NIN: variants seen among roughly 807,000 people sequenced by gnomAD.
NIN encodes the protein glycogen synthase kinase 3 beta-interacting protein.
A neutral mutation model predicts 257.6 loss-of-function variants in NIN; 137 were observed. That is an observed-to-expected ratio of 0.53 (90% CI 0.46 to 0.61). The LOEUF is 0.61. Among genes scored for constraint, NIN ranks in the 20% least tolerant of loss-of-function variants. NIN has a pLI of 0.00. For missense variants in NIN, 2,439 were observed against 2,501.2 expected (o/e 0.98, Z 0.53); for synonymous variants, 918 against 919.8 (o/e 1.00, Z 0.04).
At chr14:50,754,903 C>T (rs367660504) in intron 18 of NIN, 36 bp from the exon 19 acceptor site, 11 of 1,446,512 alleles carry the variant, frequency 7.6e-6, no homozygotes, top group Admixed American at 2.4e-5. Context: ...TGTTACAAGG[C>T]AGTCATCTGG....
At chr14:50,783,668 G>A (rs2043226695) in intron 5 of NIN, among the ~76,000 whole-genome samples, 1 of 152,098 alleles carries the variant, frequency 6.6e-6, no homozygotes, top group Non-Finnish European at 1.5e-5. Flanking sequence ...GGTGGGGGAA[G>A]ATTCAATTCA....
intron 12 of NIN, 50 bp downstream of exon 12, chr14:50,770,338 C>A: frequency 1.3e-6 from 2 of 1,561,084 alleles, no homozygotes; most frequent in Non-Finnish European, 1.8e-6. Flanking sequence ...TAGTTTTCCA[C>A]GTGGTGTTCC....
intron 5 of NIN, among the ~76,000 whole-genome samples, chr14:50,787,664 G>A (rs908969189): frequency 6.6e-6 from 1 of 152,164 alleles, no homozygotes; most frequent in Non-Finnish European, 1.5e-5. Flanking sequence ...CAAGATGAGA[G>A]GTCAGACTCC....
At chr14:50,828,504 G>T (rs2045563703) in intron 2 of NIN, among the ~76,000 whole-genome samples, 1 of 152,178 alleles carries the variant, frequency 6.6e-6, no homozygotes. Flanking sequence ...ACAGATGCAA[G>T]TTCAATAGCT....
intron 5 of NIN, among the ~76,000 whole-genome samples, chr14:50,790,650 T>C (rs2043551423): frequency 6.6e-6 from 1 of 152,142 alleles, no homozygotes; most frequent in African/African-American, 2.4e-5. Flanking sequence ...TGGAGGGTGG[T>C]GAATGCTACA....
intron 3 of NIN, among the ~76,000 whole-genome samples, chr14:50,820,480 T>C (rs2045155236): frequency 6.6e-6 from 1 of 152,202 alleles, no homozygotes; most frequent in Admixed American, 6.5e-5. Context: ...ATCAGCCCAT[T>C]GATACTATCC....
intron 5 of NIN, among the ~76,000 whole-genome samples, chr14:50,783,301 C>G (rs1046157863): frequency 6.6e-6 from 1 of 151,986 alleles, no homozygotes; most frequent in African/African-American, 2.4e-5. Flanking sequence ...AGTGATCCAC[C>G]CACCTCGGCC....
intron 4 of NIN, chr14:50,794,623 G>A (rs890698425): frequency 5.5e-6 from 1 of 182,128 alleles, no homozygotes; most frequent in Non-Finnish European, 1.0e-5. Flanking sequence ...TGACTATAGG[G>A]GTTTGGAAAA....
chr14:50,726,759 A>C (rs1465543121), intron 29 of NIN, among the ~76,000 whole-genome samples: 1 of 152,208 alleles, frequency 6.6e-6, no homozygotes, highest in Non-Finnish European at 1.5e-5. Context: ...ACCTAGAGAG[A>C]TTAGAATGCA....
chr14:50,799,532 G>A (rs929865026), intron 4 of NIN, among the ~76,000 whole-genome samples: 4 of 152,208 alleles, frequency 2.6e-5, no homozygotes, highest in African/African-American at 9.7e-5. Context: ...CTCAGAAACT[G>A]GAGCTGCTCT....
At chr14:50,762,648 G>A (rs1349485082) in intron 15 of NIN, among the ~76,000 whole-genome samples, 2 of 152,166 alleles carry the variant, frequency 1.3e-5, no homozygotes, top group Non-Finnish European at 2.9e-5. Flanking sequence ...CCACGACGAT[G>A]ACTGAGAATG....
rs564452705 is a variant in NIN, at chr14:50,739,208, A to G, written c.5628+100T>C. The stretch of plus-strand genomic sequence containing the variant: ...AAGTCTGCTATAGCAGGATACTCAA[A>G]TCCATACCTTAGAACCATTCCAATC... On this transcript the variant is annotated intron_variant, in intron 26 of 30. Transcript: ENST00000530997. 1.1e-4 allele frequency: 124 copies of G among 1,112,874 alleles called. 1 individual carries two copies. In the African/African-American group the frequency reaches 1.9e-3, roughly 17 times the overall value. The allele number at this position is 1,112,874 out of a possible 1,614,324, so 68.9% of individuals were successfully genotyped here.
At position 50,771,507 on chromosome 14, in the gene NIN, A is replaced by T. The variant is rs780403932; in HGVS notation, c.982-39T>A. On this transcript the variant is annotated intron_variant, in intron 9 of 30. Transcript: ENST00000530997. ...CAAGGCGTAAATTCAAAAACAAATC[A>T]CTCATTCCATCCTCTGAAAGCAGAA... is the stretch of plus-strand genomic sequence containing the variant. 6.8e-6 allele frequency: 11 copies of T among 1,607,122 alleles called. No individual in the cohort carries two copies. The Admixed American group carries it at 1.9e-4, about 27-fold the overall frequency.
intron 9 of NIN, among the ~76,000 whole-genome samples, chr14:50,771,796 G>A (rs1263643079): frequency 6.6e-6 from 1 of 152,068 alleles, no homozygotes; most frequent in Non-Finnish European, 1.5e-5. Context: ...GACCATCCTG[G>A]CCAACACGGT....
intron 15 of NIN, among the ~76,000 whole-genome samples, chr14:50,762,454 T>C (rs2042310413): frequency 2.0e-5 from 3 of 152,290 alleles, no homozygotes; most frequent in South Asian, 4.2e-4. Context: ...AGAGTGTGGG[T>C]AGATCCCCAT....
intron 5 of NIN, among the ~76,000 whole-genome samples, chr14:50,790,123 C>T (rs1285945647): frequency 2.0e-5 from 3 of 152,112 alleles, no homozygotes; most frequent in Non-Finnish European, 4.4e-5. Flanking sequence ...GGCACGATCT[C>T]GGCTCACTGC....
In NIN at chr14:50,744,324, G is replaced by A; in HGVS notation, c.5106C>T (p.Ile1702=). 1 of 1,614,068 alleles carries A rather than the reference G, an allele frequency of 6.2e-7. No homozygotes were observed. The highest frequency in any genetic ancestry group is 8.5e-7 in the Non-Finnish European group (1 of 1,179,974). Residue 1702 remains isoleucine (I), a synonymous_variant, in exon 23 of 31, where the codon ATC becomes ATT. Transcript: ENST00000530997. ...TTTCGTTGTAGCTTAGAACACTAGA[G>A]ATTTTTTGCTGGAAGTCAGAGAGAT... ...CPDLSDFQQK[I]SSVLSYNEKL...
Position 50,729,859 on chromosome 14 carries a change from C to G in NIN, c.5878-136G>C, listed in dbSNP as rs1167851223. ...GACCCACTGAAACTTGGAAACAGGA[C>G]AGCATATGGGCCCGAGGAATACAGA... On this transcript the variant is annotated intron_variant, in intron 28 of 30. Transcript: ENST00000530997. 6.6e-6 allele frequency: 4 copies of G among 607,606 alleles called. No homozygotes were observed. The South Asian group carries it at 1.0e-4, about 16-fold the overall frequency. The allele number at this position is 607,606 out of a possible 1,614,324, so 37.6% of individuals were successfully genotyped here. A position where few individuals can be genotyped will look rare whatever the true frequency, so the allele number is the denominator to read the frequency against.
At chr14:50,782,109 C>A (rs61985517) in intron 5 of NIN, among the ~76,000 whole-genome samples, 23,913 of 151,914 alleles carry the variant, frequency 0.16, 2,389 homozygotes, top group Admixed American at 0.21. Flanking sequence ...ATTAAATTAG[C>A]AAAGTATTTA....
Sources: gnomAD v4.1 joint callset for allele counts (sites outside exome capture counted in the v4.1 genomes callset) on GRCh38, gnomAD v4.1.1 for gene constraint, MANE v1.5 for transcripts, NCBI Gene and HGNC (gene_info 2026-07-23, HGNC 2026-07-21) for gene names.